Variants in TANC1 observed in about 807,000 individuals in gnomAD.
TANC1 encodes protein TANC1.
TANC1 carries 77 observed loss-of-function variants against 149.7 expected under a neutral mutation model. The ratio of observed to expected loss-of-function variants is 0.51; its 90% confidence interval spans 0.43 to 0.62. TANC1 has a LOEUF of 0.62. Ranked by LOEUF, TANC1 falls within the 20% of genes least tolerant of loss-of-function variation. TANC1 has a pLI of 0.00. For missense variants in TANC1, 1,985 were observed against 2,321.8 expected, an observed-to-expected ratio of 0.85 and a Z score of 2.98; for synonymous variants, 854 against 925.0, an observed-to-expected ratio of 0.92 and a Z score of 1.39.
At chr2:159,002,404 G>A (rs2036696752) in intron 2 of TANC1, among the ~76,000 whole-genome samples, 1 of 152,184 alleles carries the variant, frequency 6.6e-6, no homozygotes, top group Non-Finnish European at 1.5e-5. Context: ...CAGACCAAAT[G>A]CCAAGGGTGA....
At chr2:159,014,536 C>G (rs1261125252) in intron 2 of TANC1, among the ~76,000 whole-genome samples, 1 of 152,168 alleles carries the variant, frequency 6.6e-6, no homozygotes, top group Non-Finnish European at 1.5e-5. Context: ...ACATTTCAAA[C>G]CAATCATTGC....
At position 159,227,868 on chromosome 2, in the gene TANC1, A is replaced by G. The variant is rs1333104837; in HGVS notation, c.3953A>G (p.Lys1318Arg). The G allele has an allele frequency of 1.9e-6, 3 of 1,614,222 alleles. No individual in the cohort carries two copies. In the East Asian group the frequency reaches 6.7e-5, roughly 36 times the overall value. ...CAGAGGTACCAGTATGCCTTAAGAA[A>G]GTTTCCTCGAGAAGGATTCGGAGAG... ...AAQRYQYALR[K>R]FPREGFGEDM... The change falls in exon 25 of 27, where the codon AAG (lysine) becomes AGG (arginine). Residue 1318 changes from lysine to arginine, a missense_variant. Around this residue, in one of 3 missense-constraint regions of TANC1, gnomAD observed 920 missense variants for 994.7 expected, o/e 0.92. Transcript: ENST00000263635.
At chr2:159,100,640 A>G (rs1207008296) in intron 4 of TANC1, among the ~76,000 whole-genome samples, 2 of 152,230 alleles carry the variant, frequency 1.3e-5, no homozygotes, top group Non-Finnish European at 2.9e-5. Context: ...GTGCTTGTTC[A>G]CTGCCCAAAT....
At chr2:159,083,206 TG>T (rs1463412805) in intron 3 of TANC1, among the ~76,000 whole-genome samples, 3 of 152,000 alleles carry the variant, frequency 2.0e-5, no homozygotes, top group Non-Finnish European at 4.4e-5. Context: ...CTGCCGGCCT[TG>T]GCCTCCCAAA....
intron 22 of TANC1, among the ~76,000 whole-genome samples, chr2:159,223,643 A>G (rs1035582501): frequency 6.6e-6 from 1 of 152,192 alleles, no homozygotes; most frequent in African/African-American, 2.4e-5. Flanking sequence ...TCTTGTTTCC[A>G]GTTTGGTTCA....
intron 8 of TANC1, among the ~76,000 whole-genome samples, chr2:159,168,194 C>T (rs1012651617): frequency 3.3e-5 from 5 of 151,980 alleles, no homozygotes; most frequent in African/African-American, 4.8e-5. Flanking sequence ...AAGGCAAAAA[C>T]GTGTACTATG....
chr2:158,987,005 C>T (rs1559102801), intron 1 of TANC1, among the ~76,000 whole-genome samples: 1 of 149,682 alleles, frequency 6.7e-6, no homozygotes. Flanking sequence ...GCCTGAGGTT[C>T]TTGGTTTGCC....
chr2:159,183,823 G>A (rs1029447098), intron 14 of TANC1, among the ~76,000 whole-genome samples: 3 of 152,124 alleles, frequency 2.0e-5, no homozygotes, highest in Non-Finnish European at 2.9e-5. Context: ...TGAGTGACGG[G>A]GCAGGTTGCC....
At chr2:159,126,129 T>C (rs2049424393) in intron 4 of TANC1, among the ~76,000 whole-genome samples, 1 of 152,168 alleles carries the variant, frequency 6.6e-6, no homozygotes, top group Admixed American at 6.5e-5. Context: ...ATCTAATTAG[T>C]ATTCTTAATT....
At chr2:158,970,085 T>G (rs1483228862) in intron 1 of TANC1, among the ~76,000 whole-genome samples, 1 of 147,230 alleles carries the variant, frequency 6.8e-6, no homozygotes, top group East Asian at 2.0e-4. Context: ...TCAAGATTGC[T>G]GAGATCGCTC....
At chr2:159,006,957 G>A (rs1160751907) in intron 2 of TANC1, among the ~76,000 whole-genome samples, 1 of 152,054 alleles carries the variant, frequency 6.6e-6, no homozygotes, top group Non-Finnish European at 1.5e-5. Flanking sequence ...CTCTGGAATA[G>A]GGGAAAAATA....
intron 2 of TANC1, among the ~76,000 whole-genome samples, chr2:159,003,557 G>T (rs763153912): frequency 2.0e-5 from 3 of 152,214 alleles, no homozygotes; most frequent in Admixed American, 6.5e-5. Flanking sequence ...CACAGTTAAT[G>T]GGTTGGATTC....
At chr2:159,185,274 G>A (rs180907444) in intron 14 of TANC1, among the ~76,000 whole-genome samples, 1 of 152,328 alleles carries the variant, frequency 6.6e-6, no homozygotes, top group Non-Finnish European at 1.5e-5. Context: ...AGGGAAATGG[G>A]CAGGAAAATA....
chr2:158,990,942 G>T (rs935720032), intron 1 of TANC1, among the ~76,000 whole-genome samples: 4 of 151,662 alleles, frequency 2.6e-5, no homozygotes, highest in African/African-American at 9.7e-5. Flanking sequence ...GCATGGTGGC[G>T]GGCGGCTCCA....
At chr2:159,147,289 G>T (rs150349153) in intron 5 of TANC1, among the ~76,000 whole-genome samples, 1 of 152,290 alleles carries the variant, frequency 6.6e-6, no homozygotes, top group East Asian at 1.9e-4. Context: ...AGGGAAGGGG[G>T]GTGTGGAGTG....
intron 19 of TANC1, among the ~76,000 whole-genome samples, chr2:159,214,004 T>G (rs1180888330): frequency 6.6e-6 from 1 of 151,722 alleles, no homozygotes; most frequent in Non-Finnish European, 1.5e-5. Flanking sequence ...CTCGTGCCTG[T>G]AATCCCAGCT....
chr2:158,998,011 TGAA>T (rs2036290836), intron 1 of TANC1, among the ~76,000 whole-genome samples: 1 of 152,192 alleles, frequency 6.6e-6, no homozygotes, highest in Non-Finnish European at 1.5e-5. Flanking sequence ...TGTTCAAACA[TGAA>T]GAAAAGTTTC....
At chr2:159,214,175 T>G (rs1575303044) in intron 19 of TANC1, among the ~76,000 whole-genome samples, 3 of 93,154 alleles carry the variant, frequency 3.2e-5, no homozygotes, top group African/African-American at 4.2e-5. Flanking sequence ...GTTGTGGTGG[T>G]TGGGTGGGGG....
Position 159,119,501 on chromosome 2 carries a change from G to T in TANC1, c.260-16693G>T, listed in dbSNP as rs73969449. 8.4e-3 allele frequency among the ~76,000 whole-genome samples: 1,276 copies of T among 152,328 alleles called. 11 individuals carry two copies. Among genetic ancestry groups the T allele is most frequent in the African/African-American group, 0.029 (1,206 of 41,562 alleles). On this transcript the variant is annotated intron_variant, in intron 4 of 26. Transcript: ENST00000263635. ...CATTGTATATTCAGGAATTCTAACTGTAATGTAAAATCTTGATCACCTGTT... is the reference window on the plus strand; with the variant it reads ...CATTGTATATTCAGGAATTCTAACTTTAATGTAAAATCTTGATCACCTGTT...
Sources: gnomAD v4.1 joint callset for allele counts (sites outside exome capture counted in the v4.1 genomes callset) on GRCh38, gnomAD v4.1.1 for gene constraint, gnomAD v4.1.1 regional missense constraint, MANE v1.5 for transcripts, NCBI Gene and HGNC (gene_info 2026-07-23, HGNC 2026-07-21) for gene names.